The following LCOR variants were observed in gnomAD, a reference collection of about 807,000 sequenced individuals.
LCOR encodes the protein ligand dependent nuclear receptor corepressor.
In LCOR, 14 loss-of-function variants were observed where a neutral mutation model predicts 64.4. That is an observed-to-expected ratio of 0.22 (90% CI 0.14 to 0.34). The LOEUF (loss-of-function observed/expected upper bound fraction) is 0.34. LCOR is among the 10% of genes least tolerant of loss of function. LCOR has a pLI of 1.00. For synonymous variants in LCOR, 643 were observed against 642.5 expected (o/e 1.00, Z -0.01); for missense variants, 1,686 against 1,765.3 (o/e 0.96, Z 0.80).
Position 96,993,477 on chromosome 10 carries a change from T to C in LCOR, c.*8343T>C, listed in dbSNP as rs1160822195. 2 of 152,186 alleles carry C rather than the reference T, an allele frequency of 1.3e-5. No homozygotes were observed. Among genetic ancestry groups the C allele is most frequent in the Non-Finnish European group, 2.9e-5 (2 of 68,036 alleles). 9.4% of individuals were successfully genotyped at this position (152,186 alleles called of 1,614,324 possible). On this transcript the variant is annotated 3_prime_UTR_variant, in exon 8 of 8. Coordinates refer to ENST00000421806, the MANE Select transcript of LCOR (RefSeq NM_001346516.2). ...CAGGAAGAAATAAATTTTGCTCTCG[T>C]CTAAATGTTCACAAGAAGTAATGTT...
chr10:96,894,738 A>G (rs549929880), intron 2 of LCOR, among the ~76,000 whole-genome samples: 13 of 152,352 alleles, frequency 8.5e-5, no homozygotes, highest in African/African-American at 2.6e-4. Context: ...GTAAAAAGTA[A>G]TGATTTTTAA....
At chr10:96,867,421 A>C (rs975080690) in intron 2 of LCOR, among the ~76,000 whole-genome samples, 2 of 152,114 alleles carry the variant, frequency 1.3e-5, no homozygotes, top group African/African-American at 4.8e-5. Flanking sequence ...ACATATGGAG[A>C]TCTTGCCTCC....
At chr10:96,934,970 AATT>A (rs1847322970) in intron 4 of LCOR, among the ~76,000 whole-genome samples, 1 of 152,014 alleles carries the variant, frequency 6.6e-6, no homozygotes, top group African/African-American at 2.4e-5. Context: ...AATATTCCTA[AATT>A]TATTAGGAAT....
chr10:96,903,204 C>G (rs1846671598), intron 2 of LCOR, among the ~76,000 whole-genome samples: 1 of 152,106 alleles, frequency 6.6e-6, no homozygotes, highest in Admixed American at 6.6e-5. Context: ...ACAAGAAGGC[C>G]TAGAATGTTG....
intron 2 of LCOR, among the ~76,000 whole-genome samples, chr10:96,890,174 T>G (rs1301318532): frequency 3.3e-5 from 5 of 152,116 alleles, no homozygotes; most frequent in Non-Finnish European, 7.4e-5. Flanking sequence ...ATGATCCTAG[T>G]TCAGTGTAAC....
intron 7 of LCOR, chr10:96,959,249 GT>G (rs1847843357): frequency 6.6e-6 from 1 of 152,076 alleles, no homozygotes; most frequent in African/African-American, 2.4e-5. Context: ...GCTAATCAGA[GT>G]TTTGCATGGC....
intron 2 of LCOR, among the ~76,000 whole-genome samples, chr10:96,860,959 C>G (rs971931862): frequency 6.6e-5 from 10 of 152,232 alleles, no homozygotes; most frequent in African/African-American, 2.2e-4. Flanking sequence ...GAGGTAAGGA[C>G]AGTTAGTATT....
chr10:96,926,211 T>C (rs112838274), intron 4 of LCOR, among the ~76,000 whole-genome samples: 15 of 152,326 alleles, frequency 9.8e-5, no homozygotes, highest in African/African-American at 3.6e-4. Context: ...ACATCAGCCA[T>C]TGGGCAGTAG....
At chr10:96,854,227 C>T (rs372238255) in intron 2 of LCOR, among the ~76,000 whole-genome samples, 1 of 152,136 alleles carries the variant, frequency 6.6e-6, no homozygotes, top group African/African-American at 2.4e-5. Flanking sequence ...ATTGAGCCTA[C>T]AGTAATGGTA....
chr10:96,944,009 C>T (rs895219289), intron 4 of LCOR, 104 bp from the exon 5 acceptor site: 9 of 648,374 alleles, frequency 1.4e-5, no homozygotes, highest in Non-Finnish European at 1.7e-5. Flanking sequence ...TTAATTGCAT[C>T]AAATTAATTT....
chr10:96,969,979 G>A (rs1847984697), intron 7 of LCOR, among the ~76,000 whole-genome samples: 1 of 123,474 alleles, frequency 8.1e-6, no homozygotes. Context: ...TTTTAGTAGA[G>A]ATGGGGTTTC....
chr10:96,926,802 A>G (rs1176776094), intron 4 of LCOR, among the ~76,000 whole-genome samples: 2 of 151,934 alleles, frequency 1.3e-5, no homozygotes, highest in African/African-American at 2.4e-5. Context: ...TAGTTTTTTT[A>G]TGTTTGACTT....
chr10:96,926,746 G>GT (rs1404306799), intron 4 of LCOR, among the ~76,000 whole-genome samples: 1 of 151,932 alleles, frequency 6.6e-6, no homozygotes, highest in Non-Finnish European at 1.5e-5. Context: ...ACAATTATGA[G>GT]TTTTACCTTT....
intron 2 of LCOR, among the ~76,000 whole-genome samples, chr10:96,892,266 G>A (rs72819837): frequency 0.012 from 1,787 of 152,190 alleles, 15 homozygotes; most frequent in Non-Finnish European, 0.02. Flanking sequence ...AGAATTTGGG[G>A]CTGTGTTGTT....
At chr10:96,942,419 AGAGGGAGACCGTG>A (rs1274269514) in intron 4 of LCOR, among the ~76,000 whole-genome samples, 3 of 151,934 alleles carry the variant, frequency 2.0e-5, no homozygotes, top group Non-Finnish European at 4.4e-5. Context: ...GCTCGGCATC[AGAGGGAGACCGTG>A]GAAGGAGACC....
chr10:96,840,309 A>G (rs552442709), intron 2 of LCOR, among the ~76,000 whole-genome samples: 2 of 152,284 alleles, frequency 1.3e-5, no homozygotes, highest in South Asian at 2.1e-4. Flanking sequence ...AGATTCTTTT[A>G]GCATATCACT....
rs938503071 is a variant in LCOR at position 96,992,705 on chromosome 10, A to G, written c.*7571A>G. The G allele has an allele frequency of 1.3e-5, 2 of 152,270 alleles. No individual in the cohort carries two copies. The highest frequency in any genetic ancestry group is 4.8e-5 in the African/African-American group (2 of 41,458). 9.4% of individuals were successfully genotyped at this position (152,270 alleles called of 1,614,324 possible). ...TTCAGCTGTACACTTAACAGCCTGTACAGGAAAATGAGCCTTAGTTGTAGC... is the reference window on the plus strand; with the variant it reads ...TTCAGCTGTACACTTAACAGCCTGTGCAGGAAAATGAGCCTTAGTTGTAGC... On this transcript the variant is annotated 3_prime_UTR_variant, in exon 8 of 8. Transcript: ENST00000421806.
At chr10:96,969,600 G>A (rs1847979451) in intron 7 of LCOR, among the ~76,000 whole-genome samples, 2 of 152,126 alleles carry the variant, frequency 1.3e-5, no homozygotes, top group Admixed American at 1.3e-4. Flanking sequence ...CTGAGGGTGG[G>A]AATGTGTATG....
At position 96,982,073 on chromosome 10, in the gene LCOR, C is replaced by T; in HGVS notation, c.1613C>T (p.Ala538Val). The T allele has an allele frequency of 1.2e-6, 2 of 1,614,178 alleles. No homozygotes were observed. Among genetic ancestry groups the T allele is most frequent in the South Asian group, 1.1e-5 (1 of 91,076 alleles). The change falls in exon 8 of 8, where the codon GCA becomes GTA. Residue 538 changes from alanine (A) to valine (V), a missense_variant. Physicochemically the swap from Ala to Val is moderately conservative, Grantham distance 64. This residue lies in a region of LCOR where 1,293 missense variants were observed against 1,410.4 expected (regional missense o/e 0.92). Coordinates refer to ENST00000421806, the MANE Select transcript of LCOR (RefSeq NM_001346516.2). ...KASCSALASE[A>V]VFTPKQTLTI... ...AGCTGCTCAGCATTGGCATCAGAGG[C>T]AGTTTTCACTCCTAAGCAGACCCTT...
Sources: gnomAD v4.1 joint callset for allele counts (sites outside exome capture counted in the v4.1 genomes callset) on GRCh38, gnomAD v4.1.1 for gene constraint, gnomAD v4.1.1 regional missense constraint, MANE v1.5 for transcripts, NCBI Gene and HGNC (gene_info 2026-07-23, HGNC 2026-07-21) for gene names.